CELF2: variants seen among roughly 807,000 people sequenced by gnomAD.
CELF2 encodes CUG triplet repeat RNA-binding protein 2.
Under a neutral mutation model 62.6 loss-of-function variants are expected in CELF2, and 8 were observed. The ratio of observed to expected loss-of-function variants is 0.13; its 90% CI spans 0.07 to 0.23. CELF2 has a LOEUF of 0.23. Among genes scored for constraint, CELF2 ranks in the 10% least tolerant of loss-of-function variants. The pLI, the probability that CELF2 is intolerant of heterozygous loss-of-function variation, is 1.00. For missense variants in CELF2, 333 were observed against 671.0 expected, an observed-to-expected ratio of 0.50 and a Z score of 5.56; for synonymous variants, 258 against 250.0, an observed-to-expected ratio of 1.03 and a Z score of -0.30.
In CELF2 at chr10:11,324,885, G is replaced by A. The variant is rs1055731002; in HGVS notation, c.1295-951G>A. On this transcript the variant is annotated intron_variant, in intron 11 of 12. Coordinates refer to ENST00000633077, the MANE Select transcript of CELF2 (RefSeq NM_001326342.2). This position sits in a 1 kb window ranked among gnomAD's most constrained non-coding sequence, Gnocchi z 4.7. ...GGATTCCTGACCCGCTGCAGAAGTCGCCTCACCAGTTCTGTGAGCGCCCCT... is the reference window on the plus strand; with the variant it reads ...GGATTCCTGACCCGCTGCAGAAGTCACCTCACCAGTTCTGTGAGCGCCCCT... 1.5e-4 allele frequency among the ~76,000 whole-genome samples: 23 copies of A among 152,288 alleles called. No individual in the cohort carries two copies. The highest frequency in any genetic ancestry group is 4.3e-4 in the African/African-American group (18 of 41,556).
chr10:10,814,727 G>C (rs2056286015), intron 1 of CELF2, among the ~76,000 whole-genome samples: 1 of 152,166 alleles, frequency 6.6e-6, no homozygotes, highest in African/African-American at 2.4e-5. Context: ...ATCAGTTACA[G>C]CTTACCTTGA....
In CELF2 at chr10:11,266,151, G is replaced by A. The variant is rs142126464; in HGVS notation, c.539-447G>A. Among the ~76,000 whole-genome samples the A allele has an allele frequency of 1.1e-4, 17 of 152,250 alleles. No individual in the cohort carries two copies. In the East Asian group the frequency reaches 3.1e-3, roughly 28 times the overall value. On this transcript the variant is annotated intron_variant, in intron 5 of 12. Coordinates refer to ENST00000633077, the MANE Select transcript of CELF2 (RefSeq NM_001326342.2). ...TTATTTGCTCATTTGCCCTTGGTGT[G>A]AGGATTTTCTTATTTGCCCCTTTAA...
chr10:11,090,325 A>T (rs1188979316), intron 1 of CELF2, among the ~76,000 whole-genome samples: 43 of 152,188 alleles, frequency 2.8e-4, no homozygotes, highest in Admixed American at 2.8e-3. Context: ...AATAAATGGT[A>T]GTTTTTTCCT....
chr10:10,540,752 C>T, the CELF2 span, among the ~76,000 whole-genome samples: 164 of 152,214 alleles, frequency 1.1e-3, no homozygotes, highest in African/African-American at 3.8e-3. Flanking sequence ...ATAAGGCTAC[C>T]CAAACCGTGT....
the CELF2 span, among the ~76,000 whole-genome samples, chr10:10,512,493 G>A: frequency 1.1e-4 from 15 of 136,112 alleles, no homozygotes; most frequent in South Asian, 1.8e-3. Context: ...TGCAACCTCC[G>A]CCTCCCAGGT....
At chr10:10,474,680 G>A in the CELF2 span, among the ~76,000 whole-genome samples, 34 of 152,174 alleles carry the variant, frequency 2.2e-4, no homozygotes, top group Non-Finnish European at 4.0e-4. Flanking sequence ...CTGCTGTGGG[G>A]GTTATTAGTA....
chr10:10,836,926 C>T (rs1053331319), intron 1 of CELF2, among the ~76,000 whole-genome samples: 1 of 152,212 alleles, frequency 6.6e-6, no homozygotes, highest in Admixed American at 6.5e-5. Context: ...TGAGCCACCA[C>T]ACCTGGCCTG....
chr10:10,543,174 T>G, the CELF2 span, among the ~76,000 whole-genome samples: 1 of 152,218 alleles, frequency 6.6e-6, no homozygotes, highest in East Asian at 1.9e-4. Context: ...AATATTTGCC[T>G]GGTGGCTGGG....
chr10:11,181,121 T>C (rs1037224323), intron 2 of CELF2, among the ~76,000 whole-genome samples: 2 of 152,188 alleles, frequency 1.3e-5, no homozygotes, highest in African/African-American at 2.4e-5. Context: ...CAGCCCGCCT[T>C]GGCCTCCCAA....
At chr10:10,821,798 C>A (rs10905839) in intron 1 of CELF2, among the ~76,000 whole-genome samples, 11,333 of 152,168 alleles carry the variant, frequency 0.074, 544 homozygotes, top group East Asian at 0.23. Context: ...ATGCACGATG[C>A]CCAGCTAATT....
intron 1 of CELF2, among the ~76,000 whole-genome samples, chr10:10,815,252 A>G (rs1007341465): frequency 6.6e-6 from 1 of 152,036 alleles, no homozygotes; most frequent in Non-Finnish European, 1.5e-5. Context: ...CTCCCCTTGT[A>G]CAGCAAGAGG....
At chr10:11,007,818 G>A (rs536931172) in intron 1 of CELF2, among the ~76,000 whole-genome samples, 3 of 152,218 alleles carry the variant, frequency 2.0e-5, no homozygotes, top group African/African-American at 4.8e-5. Context: ...TCCGTGGCCC[G>A]CTTAAAGAAA....
intron 2 of CELF2, among the ~76,000 whole-genome samples, chr10:10,982,529 C>T (rs1246040183): frequency 6.6e-6 from 1 of 152,176 alleles, no homozygotes; most frequent in Non-Finnish European, 1.5e-5. Flanking sequence ...CCAGCCCAGG[C>T]TACAGGCCCC....
chr10:10,674,355 G>A, the CELF2 span, among the ~76,000 whole-genome samples: 1 of 152,076 alleles, frequency 6.6e-6, no homozygotes, highest in Non-Finnish European at 1.5e-5. Context: ...CTTTTGATTA[G>A]TGTTAGCATG....
intron 1 of CELF2, among the ~76,000 whole-genome samples, chr10:10,836,226 G>A (rs897821110): frequency 1.3e-5 from 2 of 152,128 alleles, no homozygotes; most frequent in Non-Finnish European, 2.9e-5. Flanking sequence ...AAAGGAGAAA[G>A]GAGGAGGGGG....
chr10:11,062,616 G>T (rs1394321005), intron 1 of CELF2, among the ~76,000 whole-genome samples: 1 of 152,182 alleles, frequency 6.6e-6, no homozygotes, highest in African/African-American at 2.4e-5. Flanking sequence ...GGACTGAATT[G>T]CTGCAGTGTC....
At chr10:11,004,423 G>A (rs766913046), upstream of CELF2, among the ~76,000 whole-genome samples, 32 of 95,420 alleles carry the variant, frequency 3.4e-4, no homozygotes, top group East Asian at 1.4e-3. This position sits in a 1 kb window ranked among gnomAD's most constrained non-coding sequence, Gnocchi z 5.0. Flanking sequence ...GTGCGCGCGC[G>A]TGTGTGTGTG....
At chr10:10,670,577 A>G in the CELF2 span, among the ~76,000 whole-genome samples, 1 of 152,180 alleles carries the variant, frequency 6.6e-6, no homozygotes, top group Non-Finnish European at 1.5e-5. Flanking sequence ...TATTACATTC[A>G]GTGAACCTAG....
intron 1 of CELF2, among the ~76,000 whole-genome samples, chr10:11,131,331 C>G (rs1280423860): frequency 2.6e-5 from 4 of 152,196 alleles, no homozygotes; most frequent in African/African-American, 9.6e-5. Context: ...ACTGTGGACA[C>G]TGTGTACTCA....
Sources: gnomAD v4.1 joint callset for allele counts (sites outside exome capture counted in the v4.1 genomes callset) on GRCh38, gnomAD v4.1.1 for gene constraint, Gnocchi (gnomAD v3.1) non-coding constraint, MANE v1.5 for transcripts, NCBI Gene and HGNC (gene_info 2026-07-23, HGNC 2026-07-21) for gene names.